ACVR2A: variants seen among roughly 807,000 people sequenced by gnomAD.
The protein encoded by ACVR2A is activin receptor type-2A.
ACVR2A carries 7 observed loss-of-function variants against 61.4 expected under a neutral mutation model. The ratio of observed to expected loss-of-function variants is 0.11; its 90% CI spans 0.06 to 0.21. ACVR2A has a LOEUF of 0.21. Ranked by LOEUF, ACVR2A falls within the 10% of genes least tolerant of loss-of-function variation. The pLI, the probability that ACVR2A is intolerant of heterozygous loss-of-function variation, is 1.00. For synonymous variants in ACVR2A, 193 were observed against 208.3 expected, an observed-to-expected ratio of 0.93 and a Z score of 0.63; for missense variants, 322 against 621.7, an observed-to-expected ratio of 0.52 and a Z score of 5.13.
At chr2:147,920,461 TAG>T in intron 8 of ACVR2A, 117 bp downstream of exon 8, 1 of 748,586 alleles carries the variant, frequency 1.3e-6, no homozygotes, top group Non-Finnish European at 2.2e-6. Flanking sequence ...CAGCATCTAA[TAG>T]AGTTATCAAA....
chr2:147,883,452 A>G (rs921376295), intron 1 of ACVR2A, among the ~76,000 whole-genome samples: 3 of 152,216 alleles, frequency 2.0e-5, no homozygotes, highest in African/African-American at 7.2e-5. Context: ...TGGCTTCCCA[A>G]AGTGCTGGGA....
Position 147,917,408 on chromosome 2 carries a change from C to T in ACVR2A, c.798C>T (p.Ile266=), listed in dbSNP as rs866994848. Residue 266 remains isoleucine, a synonymous_variant, in exon 6 of 11, where the codon ATC becomes ATT. Coordinates refer to ENST00000241416, the MANE Select transcript of ACVR2A (RefSeq NM_001616.5). ...GTGTTGATGTGGATCTTTGGCTGAT[C>T]ACAGCATTTCATGAAAAGGTAAAAC... ...GTSVDVDLWL[I]TAFHEKGSLS... 5 of 1,611,922 alleles carry T rather than the reference C, an allele frequency of 3.1e-6. No individual in the cohort carries two copies. The highest frequency in any genetic ancestry group is 1.7e-5 in the Admixed American group (1 of 59,848).
Position 147,927,292 on chromosome 2 carries a change from C to T in ACVR2A, c.*18C>T. The T allele has an allele frequency of 6.3e-7, 1 of 1,594,260 alleles. No individual in the cohort carries two copies. Among genetic ancestry groups the T allele is most frequent in the South Asian group, 1.1e-5 (1 of 87,906 alleles). On this transcript the variant is annotated 3_prime_UTR_variant, in exon 11 of 11. Transcript: ENST00000241416. ...GTCTATGATGGTTGCGCCATCTGTG[C>T]ACACTAAGAAATGGGACTCTGAACT...
intron 1 of ACVR2A, among the ~76,000 whole-genome samples, chr2:147,868,270 A>G (rs1260975164): frequency 6.6e-6 from 1 of 152,212 alleles, no homozygotes; most frequent in African/African-American, 2.4e-5. Flanking sequence ...CAGAGTGGCT[A>G]GCATACGCAA....
At chr2:147,923,970 C>T (rs1558815799) in intron 9 of ACVR2A, among the ~76,000 whole-genome samples, 1 of 151,924 alleles carries the variant, frequency 6.6e-6, no homozygotes. Context: ...GACAGACTGC[C>T]ACTGGAATAT....
chr2:147,848,821 A>G lies in ACVR2A; in HGVS notation c.55+3614A>G, dbSNP rs1037712444. Among the ~76,000 whole-genome samples, 7 of 152,148 alleles carry G rather than the reference A, an allele frequency of 4.6e-5. No individual in the cohort carries two copies. In the East Asian group the frequency reaches 1.2e-3, roughly 25 times the overall value. ...CCCAAACCTAAAATACAAATTAAAA[A>G]AAAAGGAAAAACTCAGTTCTAAACT... On this transcript the variant is annotated intron_variant, in intron 1 of 10. Coordinates refer to ENST00000241416, the MANE Select transcript of ACVR2A (RefSeq NM_001616.5).
intron 1 of ACVR2A, among the ~76,000 whole-genome samples, chr2:147,867,267 G>C (rs796451313): frequency 1.3e-5 from 2 of 152,198 alleles, no homozygotes; most frequent in African/African-American, 4.8e-5. Flanking sequence ...AGAAATGTTG[G>C]CTAAGAAGGG....
intron 1 of ACVR2A, among the ~76,000 whole-genome samples, chr2:147,846,188 A>G (rs1319156813): frequency 6.6e-6 from 1 of 152,162 alleles, no homozygotes; most frequent in Non-Finnish European, 1.5e-5. Context: ...AGTTAGTTCA[A>G]TAGATGAAAC....
chr2:147,872,752 A>G (rs2105159671), intron 1 of ACVR2A, among the ~76,000 whole-genome samples: 1 of 151,916 alleles, frequency 6.6e-6, no homozygotes, highest in East Asian at 1.9e-4. Flanking sequence ...TACAAGTAGA[A>G]GTTATACTTG....
intron 4 of ACVR2A, among the ~76,000 whole-genome samples, chr2:147,902,216 C>T (rs1015462038): frequency 6.6e-6 from 1 of 151,820 alleles, no homozygotes; most frequent in Non-Finnish European, 1.5e-5. Context: ...ATAAGCTTCC[C>T]AGGCGATTCT....
intron 1 of ACVR2A, among the ~76,000 whole-genome samples, chr2:147,886,689 T>A (rs535086924): frequency 2.8e-4 from 43 of 152,288 alleles, no homozygotes; most frequent in African/African-American, 1.0e-3. Context: ...AGTTATAATT[T>A]GTTTTTGCAT....
Position 147,905,556 on chromosome 2 carries a change from TTG to T in ACVR2A, c.528+5671_528+5672del, listed in dbSNP as rs775919947. Among the ~76,000 whole-genome samples, 23 of 151,282 alleles carry T rather than the reference TTG, an allele frequency of 1.5e-4. 1 individual carries two copies. The South Asian group carries it at 4.4e-3, about 29-fold the overall frequency. On this transcript the variant is annotated intron_variant, in intron 4 of 10. Transcript: ENST00000241416. ...TGTTGTCTTAGGCGTGAGCATTCTT[TTG>T]TGTGTGTGTGTGGGTGTGTGTATGT...
chr2:147,899,340 G>A (rs1686817947), intron 2 of ACVR2A, 118 bp from the exon 3 acceptor site: 3 of 640,058 alleles, frequency 4.7e-6, no homozygotes, highest in Non-Finnish European at 7.1e-6. Context: ...ATATAAATAC[G>A]AATCTTGAAG....
chr2:147,890,577 C>T (rs751942958), intron 1 of ACVR2A, among the ~76,000 whole-genome samples: 16 of 152,150 alleles, frequency 1.1e-4, no homozygotes, highest in East Asian at 5.8e-4. Flanking sequence ...AAACCCTGCA[C>T]GCAAACCTTT....
intron 1 of ACVR2A, among the ~76,000 whole-genome samples, chr2:147,884,334 T>A (rs1686379294): frequency 6.6e-6 from 1 of 152,150 alleles, no homozygotes; most frequent in African/African-American, 2.4e-5. Context: ...GTAATTCATC[T>A]TATGAGTTAG....
chr2:147,871,493 A>C (rs1053626173), intron 1 of ACVR2A, among the ~76,000 whole-genome samples: 3 of 152,218 alleles, frequency 2.0e-5, no homozygotes, highest in African/African-American at 7.2e-5. Flanking sequence ...TCTAGCCTAG[A>C]TGTCTCTGCA....
At chr2:147,909,381 GATGA>G (rs764824252) in intron 4 of ACVR2A, among the ~76,000 whole-genome samples, 16 of 151,982 alleles carry the variant, frequency 1.1e-4, no homozygotes, top group Admixed American at 7.9e-4. Context: ...AAATTTGTTG[GATGA>G]ATGAATGAAT....
chr2:147,852,197 T>C (rs1478572220), intron 1 of ACVR2A, among the ~76,000 whole-genome samples: 1 of 152,122 alleles, frequency 6.6e-6, no homozygotes, highest in Non-Finnish European at 1.5e-5. Context: ...CAATAGGAAT[T>C]ACACATTGCA....
intron 1 of ACVR2A, among the ~76,000 whole-genome samples, chr2:147,893,175 T>A (rs941609378): frequency 6.6e-6 from 1 of 152,146 alleles, no homozygotes; most frequent in African/African-American, 2.4e-5. Flanking sequence ...GCCTTTTGAG[T>A]CTGTCTGCTT....
Sources: allele counts gnomAD v4.1 joint callset (sites outside exome capture counted in the v4.1 genomes callset), GRCh38; gene constraint gnomAD v4.1.1; transcripts MANE v1.5; gene names NCBI Gene and HGNC (gene_info 2026-07-23, HGNC 2026-07-21).